LAMA3: variants seen among roughly 807,000 people sequenced by gnomAD.
LAMA3 encodes laminin subunit alpha 3.
LAMA3 carries 281 observed loss-of-function variants against 402.0 expected under a neutral mutation model. The ratio of observed to expected loss-of-function variants is 0.70; its 90% confidence interval spans 0.63 to 0.77. The LOEUF is 0.77. Ranked by LOEUF, LAMA3 falls within the 30% of genes least tolerant of loss-of-function variation. LAMA3 has a pLI of 0.00. For missense variants in LAMA3, 3,840 were observed against 4,215.5 expected (o/e 0.91, Z 2.47); for synonymous variants, 1,431 against 1,558.4 (o/e 0.92, Z 1.93).
At chr18:23,921,379 A>G (rs1470325329) in intron 61 of LAMA3, 73 bp from the exon 62 acceptor site, 1 of 1,496,750 alleles carries the variant, frequency 6.7e-7, no homozygotes, top group Admixed American at 2.0e-5. Flanking sequence ...TAAAAACATG[A>G]TAGTTCTGAA....
At position 23,770,092 on chromosome 18, in the gene LAMA3, A is replaced by T. The variant is rs370117938; in HGVS notation, c.1183-3405A>T. ...ATCTAACAATAGAGCTTTAAAATAC[A>T]TGAAGCAAAATTTGACAGAATTAGA... On this transcript the variant is annotated intron_variant, in intron 8 of 74. Transcript: ENST00000313654. Among the ~76,000 whole-genome samples, 7 of 152,232 alleles carry T rather than the reference A, an allele frequency of 4.6e-5. No homozygotes were observed. The East Asian group carries it at 1.3e-3, about 29-fold the overall frequency.
rs771300319 is a variant in LAMA3, at chr18:23,921,010, G to C, written c.7999G>C (p.Glu2667Gln). The change falls in exon 61 of 75, where the codon GAG becomes CAG. Residue 2667 changes from glutamate (E) to glutamine (Q), a missense_variant. This residue lies in a region of LAMA3 where 840 missense variants were observed against 981.9 expected (regional missense o/e 0.86). Coordinates refer to ENST00000313654, the MANE Select transcript of LAMA3 (RefSeq NM_198129.4). ...CAAACTGAATTCAGAGCTACCAAAA[G>C]AGAGAGGAGTTGGAGACGCCATAAA... is the stretch of plus-strand genomic sequence containing the variant. ...RYKLNSELPKERGVGDAINNG... is the reference protein window; with the variant it reads ...RYKLNSELPKQRGVGDAINNG... The C allele has an allele frequency of 6.2e-7, 1 of 1,614,148 alleles. No homozygotes were observed. The highest frequency in any genetic ancestry group is 1.1e-5 in the South Asian group (1 of 91,086).
intron 24 of LAMA3, among the ~76,000 whole-genome samples, chr18:23,835,853 C>T (rs45475492): frequency 2.0e-5 from 3 of 151,574 alleles, no homozygotes; most frequent in Non-Finnish European, 4.4e-5. Flanking sequence ...TGAGTTCTAA[C>T]GATGTTAAAA....
chr18:23,772,979 A>G (rs994191259), intron 8 of LAMA3, among the ~76,000 whole-genome samples: 1 of 152,230 alleles, frequency 6.6e-6, no homozygotes, highest in South Asian at 2.1e-4. Context: ...TCCATTTTCC[A>G]TTCATGAAAC....
chr18:23,734,122 T>A (rs2061435935), intron 2 of LAMA3, among the ~76,000 whole-genome samples: 1 of 152,240 alleles, frequency 6.6e-6, no homozygotes, highest in Non-Finnish European at 1.5e-5. Flanking sequence ...CCGTCTCAAC[T>A]TCTACCACCA....
chr18:23,946,716 T>C (rs1322692142), intron 70 of LAMA3: 1 of 180,946 alleles, frequency 5.5e-6, no homozygotes, highest in African/African-American at 2.4e-5. Context: ...CTATTTATTT[T>C]AAATGTGCTT....
intron 12 of LAMA3, 73 bp from the exon 13 acceptor site, chr18:23,810,293 G>A (rs967252091): frequency 5.1e-6 from 8 of 1,573,956 alleles, no homozygotes; most frequent in African/African-American, 1.4e-5. Flanking sequence ...CTCATGCTCT[G>A]CTCCGGGACG....
rs751418316 is a variant in LAMA3 at position 23,914,532 on chromosome 18, G to A, written c.7452G>A (p.Glu2484=). The A allele has an allele frequency of 5.0e-6, 8 of 1,614,162 alleles. No homozygotes were observed. The East Asian group carries it at 1.8e-4, about 36-fold the overall frequency. Residue 2484 remains glutamate (E), a synonymous_variant, in exon 57 of 75, where the codon GAG becomes GAA. Transcript: ENST00000313654. ...TCTTGACCAAGAGTGAGACTAAGGA[G>A]GCAGTTATGGATCGGGTGAAATTTC... ...DQILTKSETK[E]AVMDRVKFQR...
chr18:23,714,379 G>A (rs1308480860), intron 2 of LAMA3, among the ~76,000 whole-genome samples: 2 of 152,070 alleles, frequency 1.3e-5, no homozygotes, highest in African/African-American at 4.8e-5. Flanking sequence ...AATTAGCCGG[G>A]TGTGGTGGCG....
At chr18:23,920,790 T>G in intron 60 of LAMA3, 145 bp from the exon 61 acceptor site, 1 of 905,214 alleles carries the variant, frequency 1.1e-6, no homozygotes. Context: ...CCCGTGAGGT[T>G]GCTGTTGCAG....
chr18:23,903,207 CT>C, intron 49 of LAMA3, 82 bp downstream of exon 49: 9 of 876,318 alleles, frequency 1.0e-5, no homozygotes, highest in South Asian at 9.4e-5. Flanking sequence ...GGCTGACCTA[CT>C]TTTTTGTTTA....
intron 9 of LAMA3, among the ~76,000 whole-genome samples, chr18:23,773,930 CAATT>C (rs1364535979): frequency 6.6e-6 from 1 of 152,068 alleles, no homozygotes; most frequent in Admixed American, 6.6e-5. Flanking sequence ...CTAATAATTT[CAATT>C]TTTGGGCTGG....
At position 23,822,344 on chromosome 18, in the gene LAMA3, A is replaced by T. The variant is rs761969319; in HGVS notation, c.2397A>T (p.Val799=). 2 of 1,613,972 alleles carry T rather than the reference A, an allele frequency of 1.2e-6. No individual in the cohort carries two copies. The highest frequency in any genetic ancestry group is 1.7e-6 in the Non-Finnish European group (2 of 1,179,814). The change falls in exon 20 of 75, where the codon GTA becomes GTT. Residue 799 remains valine (V), a synonymous_variant. Coordinates refer to ENST00000313654, the MANE Select transcript of LAMA3 (RefSeq NM_198129.4). ...LRYVNPGTEA[V]SGHITIYPSW... ...ACGTTAACCCTGGAACTGAAGCAGTATCTGGCCATATAACTATTTATCCAT... is the reference window on the plus strand; with the variant it reads ...ACGTTAACCCTGGAACTGAAGCAGTTTCTGGCCATATAACTATTTATCCAT...
chr18:23,832,132 A>T (rs1407537792), intron 23 of LAMA3, among the ~76,000 whole-genome samples: 1 of 152,348 alleles, frequency 6.6e-6, no homozygotes, highest in East Asian at 1.9e-4. Context: ...TTTATAATAG[A>T]GTGCTAGATA....
In LAMA3 at chr18:23,847,646, G is replaced by T. The variant is rs202138575; in HGVS notation, c.4114G>T (p.Asp1372Tyr). The stretch of plus-strand genomic sequence containing the variant: ...CATCGAGGCTGCCATGCCGGAGTGT[G>T]ACCGGGACAGCGGGCAGTGCAGGTG... ...GTIEAAMPEC[D>Y]RDSGQCRCKP... Residue 1372 changes from aspartate to tyrosine, a missense_variant, in exon 32 of 75, where the codon GAC becomes TAC. Coordinates refer to ENST00000313654, the MANE Select transcript of LAMA3 (RefSeq NM_198129.4). The T allele has an allele frequency of 1.7e-5, 28 of 1,613,762 alleles. No individual in the cohort carries two copies. Among genetic ancestry groups the T allele is most frequent in the African/African-American group, 4.0e-5 (3 of 74,958 alleles).
intron 2 of LAMA3, among the ~76,000 whole-genome samples, chr18:23,726,837 T>A (rs1197012382): frequency 6.6e-6 from 1 of 152,080 alleles, no homozygotes; most frequent in Non-Finnish European, 1.5e-5. Flanking sequence ...AGGCTGGTCT[T>A]GAGCTCCCGG....
At chr18:23,856,244 A>G (rs1183598658) in intron 32 of LAMA3, among the ~76,000 whole-genome samples, 1 of 152,240 alleles carries the variant, frequency 6.6e-6, no homozygotes, top group Non-Finnish European at 1.5e-5. Context: ...AAAGGGAAAT[A>G]AGCAGATATT....
chr18:23,833,489 A>G (rs970269439), intron 23 of LAMA3, among the ~76,000 whole-genome samples: 2 of 152,196 alleles, frequency 1.3e-5, no homozygotes, highest in Non-Finnish European at 2.9e-5. Context: ...AATGTCTTTT[A>G]CCTTGAGAAA....
intron 12 of LAMA3, among the ~76,000 whole-genome samples, chr18:23,800,327 TG>T (rs1042538755): frequency 5.3e-5 from 8 of 152,216 alleles, no homozygotes; most frequent in African/African-American, 1.9e-4. Flanking sequence ...TTCAATACTG[TG>T]GTATTAAGTC....
Sources: gnomAD v4.1 joint callset for allele counts (sites outside exome capture counted in the v4.1 genomes callset) on GRCh38, gnomAD v4.1.1 for gene constraint, gnomAD v4.1.1 regional missense constraint, MANE v1.5 for transcripts, NCBI Gene and HGNC (gene_info 2026-07-23, HGNC 2026-07-21) for gene names.